Variants in LRRC63 observed in about 807,000 individuals in gnomAD.
The protein encoded by LRRC63 is leucine rich repeat containing 63, also known as leucine-rich repeat-containing protein 63.
A neutral mutation model predicts 49.5 loss-of-function variants in LRRC63; 40 were observed. That is an observed-to-expected ratio of 0.81 (90% CI 0.63 to 1.05). The LOEUF (loss-of-function observed/expected upper bound fraction) is 1.05. LRRC63 is among the 50% of genes least tolerant of loss of function. The probability of loss-of-function intolerance (pLI) is 0.00; values close to 1 mark genes in which losing one functional copy is unlikely to be tolerated. For synonymous variants in LRRC63, 191 were observed against 221.1 expected (o/e 0.86, Z 1.21); for missense variants, 636 against 663.1 (o/e 0.96, Z 0.45).
intron 2 of LRRC63, among the ~76,000 whole-genome samples, chr13:46,221,493 A>G (rs1318881784): frequency 2.0e-5 from 3 of 152,244 alleles, no homozygotes; most frequent in African/African-American, 7.2e-5. Flanking sequence ...CAGCGAAAAC[A>G]TGGTATGACA....
At chr13:46,216,612 T>C (rs559085719) in intron 2 of LRRC63, among the ~76,000 whole-genome samples, 2 of 152,206 alleles carry the variant, frequency 1.3e-5, no homozygotes, top group Non-Finnish European at 2.9e-5. Flanking sequence ...CCTTGCCTGA[T>C]TGTGCTGGCC....
intron 5 of LRRC63, among the ~76,000 whole-genome samples, chr13:46,243,492 C>A (rs2047123480): frequency 6.6e-6 from 1 of 152,002 alleles, no homozygotes; most frequent in African/African-American, 2.4e-5. Context: ...AATGTAAGCC[C>A]CAGCTATATG....
At chr13:46,269,224 C>T (rs1381250153) in intron 9 of LRRC63, among the ~76,000 whole-genome samples, 1 of 138,906 alleles carries the variant, frequency 7.2e-6, no homozygotes, top group Non-Finnish European at 1.6e-5. Flanking sequence ...AAAAAAAAAA[C>T]CCTAACATAA....
At chr13:46,228,151 C>A in exon 3 of LRRC63, 1 of 1,549,686 alleles carries the variant, frequency 6.5e-7, no homozygotes, top group Non-Finnish European at 8.7e-7. Flanking sequence ...TTGCCAACAC[C>A]AGTTTTACCA....
At chr13:46,259,779 G>C (rs10507538) in intron 7 of LRRC63, among the ~76,000 whole-genome samples, 6,723 of 152,046 alleles carry the variant, frequency 0.044, 505 homozygotes, top group African/African-American at 0.15. Context: ...ATCCTACACT[G>C]GTATGTTAAA....
exon 3 of LRRC63, chr13:46,228,018 G>C: frequency 6.4e-7 from 1 of 1,551,076 alleles, no homozygotes. Context: ...AGACTTAAGT[G>C]CAACAGTGCC....
intron 8 of LRRC63, among the ~76,000 whole-genome samples, chr13:46,266,412 A>G (rs2047684877): frequency 1.3e-5 from 2 of 152,196 alleles, no homozygotes; most frequent in Admixed American, 1.3e-4. Context: ...GTATCATACT[A>G]TACCATATTT....
chr13:46,220,896 G>A (rs1382275883), intron 2 of LRRC63, among the ~76,000 whole-genome samples: 1 of 152,144 alleles, frequency 6.6e-6, no homozygotes, highest in Non-Finnish European at 1.5e-5. Flanking sequence ...CCCAGGTGAG[G>A]TGACGCCGCA....
At chr13:46,258,278 C>A (rs1052437129) in intron 7 of LRRC63, among the ~76,000 whole-genome samples, 1 of 151,064 alleles carries the variant, frequency 6.6e-6, no homozygotes, top group South Asian at 2.1e-4. Context: ...TACAGGCATG[C>A]GCCACCATGC....
chr13:46,249,225 T>TA (rs772215143), intron 6 of LRRC63, among the ~76,000 whole-genome samples: 1 of 151,382 alleles, frequency 6.6e-6, no homozygotes, highest in African/African-American at 2.4e-5. Flanking sequence ...GTAAAGCCAC[T>TA]AGAAAAAAAG....
chr13:46,271,062 C>A (rs1285265737), intron 9 of LRRC63, among the ~76,000 whole-genome samples: 1 of 152,098 alleles, frequency 6.6e-6, no homozygotes, highest in East Asian at 1.9e-4. Context: ...ATAAACGAAT[C>A]AAAAATATAT....
chr13:46,244,213 C>G (rs1306841806), intron 5 of LRRC63, among the ~76,000 whole-genome samples: 1 of 151,930 alleles, frequency 6.6e-6, no homozygotes, highest in Non-Finnish European at 1.5e-5. Flanking sequence ...AACAGGAGTA[C>G]AAAAGGTTGG....
At chr13:46,234,144 G>A in intron 4 of LRRC63, 48 bp from the exon 5 acceptor site, 1 of 1,477,036 alleles carries the variant, frequency 6.8e-7, no homozygotes, top group Non-Finnish European at 9.2e-7. Context: ...TTCATTCTAA[G>A]TGATAACACA....
chr13:46,270,227 G>C (rs757111331), intron 9 of LRRC63: 2 of 869,446 alleles, frequency 2.3e-6, no homozygotes, highest in African/African-American at 1.6e-5. Context: ...CATCACATTG[G>C]CAGAATCTCA....
At chr13:46,236,956 G>T (rs2046920486) in intron 5 of LRRC63, among the ~76,000 whole-genome samples, 1 of 152,230 alleles carries the variant, frequency 6.6e-6, no homozygotes, top group South Asian at 2.1e-4. Context: ...TGTGCCATTG[G>T]AGTTAATTTG....
At chr13:46,225,315 C>A (rs1486793201) in intron 2 of LRRC63, among the ~76,000 whole-genome samples, 1 of 152,156 alleles carries the variant, frequency 6.6e-6, no homozygotes, top group African/African-American at 2.4e-5. Flanking sequence ...GGCATGCAGG[C>A]CATGTTACAC....
chr13:46,228,004 C>A lies in LRRC63; in HGVS notation c.578C>A (p.Ser193Ter). 1 of 1,551,070 alleles carries A rather than the reference C, an allele frequency of 6.4e-7. No homozygotes were observed. The stretch of plus-strand genomic sequence containing the variant: ...CCAGGCTATACTTATCAGCACATCT[C>A]GAGAGACTTAAGTGCAACAGTGCCA... Residue 193 changes from serine (S) to a stop codon, truncating the protein, a stop_gained, in exon 3 of 10, where the codon TCG becomes TAG. Coordinates refer to ENST00000595396, the Ensembl canonical transcript of LRRC63. LOFTEE classifies it high-confidence loss of function.
chr13:46,253,972 A>G (rs2047448151), intron 7 of LRRC63, among the ~76,000 whole-genome samples: 2 of 152,200 alleles, frequency 1.3e-5, no homozygotes, highest in Admixed American at 6.6e-5. Context: ...AAATACAGAC[A>G]GATAAAGAAA....
chr13:46,271,011 T>C (rs1352488721), intron 9 of LRRC63, among the ~76,000 whole-genome samples: 1 of 152,252 alleles, frequency 6.6e-6, no homozygotes, highest in African/African-American at 2.4e-5. Flanking sequence ...TAAATACATT[T>C]GACCCTTGAA....
Sources: gnomAD v4.1 joint callset for allele counts (sites outside exome capture counted in the v4.1 genomes callset) on GRCh38, gnomAD v4.1.1 for gene constraint, MANE v1.5 for transcripts, NCBI Gene and HGNC (gene_info 2026-07-23, HGNC 2026-07-21) for gene names.